The following GALNT18 variants were observed in gnomAD, a reference collection of about 807,000 sequenced individuals.
GALNT18 encodes polypeptide N-acetylgalactosaminyltransferase 18, also known as GalNAc-transferase 18.
In GALNT18, 44 loss-of-function variants were observed where a neutral mutation model predicts 69.5. The observed-to-expected ratio is 0.63, with a 90% CI of 0.50 to 0.81. GALNT18 has a LOEUF of 0.81. Among genes scored for constraint, GALNT18 ranks in the 40% least tolerant of loss-of-function variants. The probability of loss-of-function intolerance (pLI) is 0.00; values close to 1 mark genes in which losing one functional copy is unlikely to be tolerated. For missense variants in GALNT18, 715 were observed against 810.0 expected (o/e 0.88, Z 1.42); for synonymous variants, 364 against 318.2 (o/e 1.14, Z -1.53).
At chr11:11,300,169 G>C (rs1849469595) in intron 9 of GALNT18, among the ~76,000 whole-genome samples, 2 of 152,230 alleles carry the variant, frequency 1.3e-5, no homozygotes, top group African/African-American at 4.8e-5. Flanking sequence ...ATTTGGACTA[G>C]CTGTTTTTCC....
intron 1 of GALNT18, among the ~76,000 whole-genome samples, chr11:11,566,823 T>C (rs11021934): frequency 0.19 from 28,547 of 152,158 alleles, 2,722 homozygotes; most frequent in Admixed American, 0.22. Context: ...CCCCTTCCAT[T>C]CTTCAGACCC....
At chr11:11,304,266 TA>T (rs1277053072) in intron 9 of GALNT18, among the ~76,000 whole-genome samples, 1 of 152,212 alleles carries the variant, frequency 6.6e-6, no homozygotes, top group African/African-American at 2.4e-5. Context: ...AGGTTTTCTC[TA>T]ATAACATTCA....
At chr11:11,512,031 A>C (rs1857175974) in intron 1 of GALNT18, among the ~76,000 whole-genome samples, 1 of 152,236 alleles carries the variant, frequency 6.6e-6, no homozygotes, top group Non-Finnish European at 1.5e-5. Flanking sequence ...ATATGTTTAC[A>C]TGTATACATA....
intron 3 of GALNT18, among the ~76,000 whole-genome samples, chr11:11,412,719 G>T (rs1344783102): frequency 6.6e-6 from 1 of 152,206 alleles, no homozygotes. Context: ...TGTAGCAGAT[G>T]CTGTTGATGC....
intron 2 of GALNT18, among the ~76,000 whole-genome samples, chr11:11,433,179 T>C (rs925297288): frequency 2.6e-5 from 4 of 152,228 alleles, no homozygotes; most frequent in African/African-American, 9.6e-5. Context: ...AACCAACACC[T>C]AGGTGAGGCC....
At chr11:11,353,757 G>C (rs543990291) in intron 6 of GALNT18, among the ~76,000 whole-genome samples, 1 of 152,142 alleles carries the variant, frequency 6.6e-6, no homozygotes, top group Non-Finnish European at 1.5e-5. Context: ...TGTCCAAAGG[G>C]TGTTGCCATG....
In GALNT18 at chr11:11,523,136, A is replaced by G. The variant is rs979951009; in HGVS notation, c.236-74200T>C. Among the ~76,000 whole-genome samples, 1 of 152,220 alleles carries G rather than the reference A, an allele frequency of 6.6e-6. No homozygotes were observed. Among genetic ancestry groups the G allele is most frequent in the African/African-American group, 2.4e-5 (1 of 41,458 alleles). On this transcript the variant is annotated intron_variant, in intron 1 of 10. Transcript: ENST00000227756. The surrounding 1 kb of genome is among the most constrained non-coding windows in gnomAD (Gnocchi z 4.3). ...CAATTCCATCTGAGTGAAGGTCTAC[A>G]GTGCTATTTTGAGCCAGGAGGTCTG...
chr11:11,344,915 G>T (rs949566065), intron 6 of GALNT18, among the ~76,000 whole-genome samples: 8 of 152,172 alleles, frequency 5.3e-5, no homozygotes, highest in African/African-American at 1.7e-4. Flanking sequence ...CCAGGCTGTG[G>T]GCTCAGGGAG....
intron 1 of GALNT18, among the ~76,000 whole-genome samples, chr11:11,506,123 T>C (rs773231084): frequency 1.6e-4 from 24 of 152,208 alleles, no homozygotes; most frequent in Admixed American, 2.6e-4. Context: ...AAGCTACCAG[T>C]GAAAATAAAA....
At chr11:11,292,425 G>T (rs1391397552) in intron 10 of GALNT18, among the ~76,000 whole-genome samples, 4 of 152,172 alleles carry the variant, frequency 2.6e-5, no homozygotes, top group African/African-American at 9.7e-5. Flanking sequence ...AATTAACAGA[G>T]ACTTAATAAA....
At position 11,596,992 on chromosome 11, in the gene GALNT18, T is replaced by C. The variant is rs1467136395; in HGVS notation, c.235+24367A>G. 2.0e-5 allele frequency among the ~76,000 whole-genome samples: 3 copies of C among 152,166 alleles called. No individual in the cohort carries two copies. Among genetic ancestry groups the C allele is most frequent in the Non-Finnish European group, 4.4e-5 (3 of 68,002 alleles). ...GAAATTATCTTCAATTCCTAGTTTA[T>C]TGAGTGTTTTCATCCAGAAAGGGTA... On this transcript the variant is annotated intron_variant, in intron 1 of 10. Transcript: ENST00000227756. This position sits in a 1 kb window ranked among gnomAD's most constrained non-coding sequence, Gnocchi z 4.2.
rs576835925 is a variant in GALNT18 at position 11,402,245 on chromosome 11, T to G, written c.596-22981A>C. On this transcript the variant is annotated intron_variant, in intron 3 of 10. Transcript: ENST00000227756. This position sits in a 1 kb window ranked among gnomAD's most constrained non-coding sequence, Gnocchi z 4.0. ...TTCAGAGTGTTTATAGAACAGAGATTGTCTTAAACGATCCAGCCTGGTGGA... is the reference window on the plus strand; with the variant it reads ...TTCAGAGTGTTTATAGAACAGAGATGGTCTTAAACGATCCAGCCTGGTGGA... Among the ~76,000 whole-genome samples the G allele has an allele frequency of 1.3e-5, 2 of 152,238 alleles. No individual in the cohort carries two copies. Among genetic ancestry groups the G allele is most frequent in the Non-Finnish European group, 2.9e-5 (2 of 68,040 alleles).
intron 3 of GALNT18, among the ~76,000 whole-genome samples, chr11:11,397,403 G>A (rs1247766934): frequency 6.6e-6 from 1 of 152,152 alleles, no homozygotes; most frequent in African/African-American, 2.4e-5. Context: ...TATAACCAGT[G>A]ATGATCCAAA....
In GALNT18 at chr11:11,614,642, C is replaced by T. The variant is rs759904310; in HGVS notation, c.235+6717G>A. 8.5e-5 allele frequency among the ~76,000 whole-genome samples: 13 copies of T among 152,106 alleles called. No homozygotes were observed. The highest frequency in any genetic ancestry group is 1.9e-4 in the East Asian group (1 of 5,184). On this transcript the variant is annotated intron_variant, in intron 1 of 10. Transcript: ENST00000227756. This position sits in a 1 kb window ranked among gnomAD's most constrained non-coding sequence, Gnocchi z 5.6. Reference sequence around the variant, plus strand: ...AAATCCTATACGATGGTAATGAAGACGCTCCAGTAACCCTGTTTGTGACTC... The same window carrying T: ...AAATCCTATACGATGGTAATGAAGATGCTCCAGTAACCCTGTTTGTGACTC...
At chr11:11,453,574 C>G (rs1199165439) in intron 1 of GALNT18, among the ~76,000 whole-genome samples, 1 of 152,228 alleles carries the variant, frequency 6.6e-6, no homozygotes, top group African/African-American at 2.4e-5. Context: ...CCACCCAAAT[C>G]TCATGTTGAA....
At chr11:11,585,766 G>A (rs1859202194) in intron 1 of GALNT18, among the ~76,000 whole-genome samples, 2 of 147,838 alleles carry the variant, frequency 1.4e-5, no homozygotes, top group Admixed American at 1.3e-4. Context: ...AAAAAGATTT[G>A]TGAAAATAGA....
At chr11:11,361,838 A>T (rs1850652615) in intron 6 of GALNT18, among the ~76,000 whole-genome samples, 1 of 152,212 alleles carries the variant, frequency 6.6e-6, no homozygotes, top group Admixed American at 6.5e-5. Flanking sequence ...GGGAAAGATG[A>T]TACTTGTGTC....
intron 9 of GALNT18, among the ~76,000 whole-genome samples, chr11:11,304,634 T>C (rs1316013864): frequency 6.6e-6 from 1 of 152,198 alleles, no homozygotes; most frequent in East Asian, 1.9e-4. Context: ...TACAGATTGA[T>C]TTGTTGTTCG....
Position 11,340,966 on chromosome 11 carries a change from G to A in GALNT18, c.1131C>T (p.Cys377=), listed in dbSNP as rs1850194929. 1 of 1,612,794 alleles carries A rather than the reference G, an allele frequency of 6.2e-7. No individual in the cohort carries two copies. Among genetic ancestry groups the A allele is most frequent in the African/African-American group, 1.3e-5 (1 of 74,882 alleles). Residue 377 remains cysteine, a synonymous_variant, in exon 7 of 11, where the codon TGC becomes TGT. Transcript: ENST00000227756. The surrounding 1 kb of genome is among the most constrained non-coding windows in gnomAD (Gnocchi z 4.2). Reference sequence around the variant, plus strand: ...CTCGCTCAATGTGGGCAATCCGTGAGCAGGGCAGGACCTCCACACTCCCGC... The same window carrying A: ...CTCGCTCAATGTGGGCAATCCGTGAACAGGGCAGGACCTCCACACTCCCGC... ...QCGGSVEVLP[C]SRIAHIERAH...
Sources: gnomAD v4.1 joint callset for allele counts (sites outside exome capture counted in the v4.1 genomes callset) on GRCh38, gnomAD v4.1.1 for gene constraint, Gnocchi (gnomAD v3.1) non-coding constraint, MANE v1.5 for transcripts, NCBI Gene and HGNC (gene_info 2026-07-23, HGNC 2026-07-21) for gene names.